Variants in PCDHGB1 observed in about 807,000 individuals in gnomAD.
The protein encoded by PCDHGB1 is protocadherin gamma subfamily B, 1.
PCDHGB1 carries 34 observed loss-of-function variants against 56.6 expected under a neutral mutation model. The ratio of observed to expected loss-of-function variants is 0.60; its 90% CI spans 0.46 to 0.80. The LOEUF (loss-of-function observed/expected upper bound fraction) is 0.80. Among genes scored for constraint, PCDHGB1 ranks in the 30% least tolerant of loss-of-function variants. The pLI, the probability that PCDHGB1 is intolerant of heterozygous loss-of-function variation, is 0.00. For synonymous variants in PCDHGB1, 561 were observed against 505.9 expected, an observed-to-expected ratio of 1.11 and a Z score of -1.46; for missense variants, 1,278 against 1,204.6, an observed-to-expected ratio of 1.06 and a Z score of -0.90.
intron 1 of PCDHGB1, chr5:141,478,142 G>A: frequency 3.7e-6 from 6 of 1,613,988 alleles, no homozygotes; most frequent in Non-Finnish European, 4.2e-6. Flanking sequence ...AGCCCGAGCC[G>A]AGTTCCCCTC....
Position 141,366,231 on chromosome 5 carries a change from A to G in PCDHGB1, c.2409+13562A>G, listed in dbSNP as rs1288043202. 3 of 1,613,786 alleles carry G rather than the reference A, an allele frequency of 1.9e-6. No homozygotes were observed. Among genetic ancestry groups the G allele is most frequent in the Non-Finnish European group, 2.5e-6 (3 of 1,180,026 alleles). On this transcript the variant is annotated intron_variant, in intron 1 of 3. Transcript: ENST00000523390. ...GTGCGCACAGCGCGAGCCCTGCTGG[A>G]CAGAGACGCGCTCAAGCAGAGCCTC...
At position 141,351,243 on chromosome 5, in the gene PCDHGB1, A is replaced by G. The variant is rs377475753; in HGVS notation, c.983A>G (p.Asn328Ser). Reference protein sequence around the residue: ...KDGGVHTAHCNVQIEIVDEND... With the variant: ...KDGGVHTAHCSVQIEIVDEND... ...GGAGGAGTACACACAGCTCACTGTA[A>G]TGTTCAAATAGAAATTGTTGACGAG... Residue 328 changes from asparagine (N) to serine (S), a missense_variant, in exon 1 of 4, where the codon AAT (asparagine) becomes AGT (serine). By Grantham distance (46) the Asn-to-Ser change is conservative. Transcript: ENST00000523390. 3 of 1,613,916 alleles carry G rather than the reference A, an allele frequency of 1.9e-6. No individual in the cohort carries two copies. The highest frequency in any genetic ancestry group is 2.7e-5 in the African/African-American group (2 of 74,934).
At chr5:141,421,508 A>C in intron 1 of PCDHGB1, 1 of 1,614,046 alleles carries the variant, frequency 6.2e-7, no homozygotes, top group Non-Finnish European at 8.5e-7. Context: ...ATAGACCGGG[A>C]GGAGCTCTGT....
At chr5:141,354,996 G>A in intron 1 of PCDHGB1, 1 of 699,244 alleles carries the variant, frequency 1.4e-6, no homozygotes, top group Non-Finnish European at 2.1e-6. Context: ...CAATCAGGGG[G>A]AAAAGACAAA....
intron 1 of PCDHGB1, among the ~76,000 whole-genome samples, chr5:141,358,460 G>C (rs1316337795): frequency 1.3e-5 from 2 of 152,076 alleles, no homozygotes; most frequent in Non-Finnish European, 2.9e-5. Context: ...AAGAATACTG[G>C]CAATTTGTGA....
rs2099756055 is a variant in PCDHGB1, at chr5:141,494,679, C to T, written c.2410-128C>T. The T allele has an allele frequency of 3.9e-6, 6 of 1,556,494 alleles. No homozygotes were observed. In the South Asian group the frequency reaches 4.7e-5, roughly 12 times the overall value. ...GTCTTTGGAGATGAGTCCACCCCTG[C>T]CCCCTCTTAGTCCGTTTTCTTCTCT... is the stretch of plus-strand genomic sequence containing the variant. On this transcript the variant is annotated intron_variant, in intron 1 of 3. Coordinates refer to ENST00000523390, the MANE Select transcript of PCDHGB1 (RefSeq NM_018922.3).
chr5:141,399,138 T>C (rs757310717), intron 1 of PCDHGB1: 3 of 1,613,774 alleles, frequency 1.9e-6, no homozygotes, highest in Non-Finnish European at 2.5e-6. Context: ...AAGATGAAAA[T>C]GACAATAGCC....
intron 1 of PCDHGB1, chr5:141,360,512 T>C (rs551303336): frequency 1.2e-6 from 2 of 1,613,978 alleles, no homozygotes; most frequent in Non-Finnish European, 1.7e-6. Flanking sequence ...GTGCAGGATA[T>C]AAATGATAAT....
chr5:141,374,416 G>A, intron 1 of PCDHGB1: 2 of 1,613,948 alleles, frequency 1.2e-6, no homozygotes, highest in Non-Finnish European at 1.7e-6. Context: ...TCCTTGTCGA[G>A]GATAAACTGA....
chr5:141,384,202 G>A (rs752360983), intron 1 of PCDHGB1: 9 of 1,613,734 alleles, frequency 5.6e-6, no homozygotes, highest in Non-Finnish European at 6.8e-6. Flanking sequence ...CTTGTCCAGG[G>A]AAACTCACAT....
intron 1 of PCDHGB1, chr5:141,365,787 G>A (rs1764122554): frequency 1.2e-6 from 2 of 1,613,864 alleles, no homozygotes; most frequent in Middle Eastern, 1.6e-4. Context: ...GACAACGCTC[G>A]AGTCACCTAC....
intron 1 of PCDHGB1, chr5:141,362,032 G>A (rs909384005): frequency 4.3e-6 from 7 of 1,609,448 alleles, no homozygotes; most frequent in Non-Finnish European, 5.9e-6. Flanking sequence ...GCGTGCCTTG[G>A]GCGACAGGGA....
At chr5:141,364,510 G>A (rs1763366973) in intron 1 of PCDHGB1, 5 of 1,614,022 alleles carry the variant, frequency 3.1e-6, no homozygotes, top group South Asian at 2.2e-5. Context: ...AGGAGCTGGC[G>A]GAGCGCGGAG....
At chr5:141,433,082 T>C in intron 1 of PCDHGB1, 1 of 1,614,188 alleles carries the variant, frequency 6.2e-7, no homozygotes. Flanking sequence ...CCAGCCCAAC[T>C]ATGCAGACAT....
intron 1 of PCDHGB1, chr5:141,440,642 A>G (rs1351979857): frequency 6.6e-6 from 1 of 152,234 alleles, no homozygotes; most frequent in African/African-American, 2.4e-5. Context: ...AATTCCTTAC[A>G]AAATTATCAC....
intron 1 of PCDHGB1, 129 bp downstream of exon 1, chr5:141,352,798 T>G: frequency 1.1e-6 from 1 of 928,716 alleles, no homozygotes; most frequent in Non-Finnish European, 1.6e-6. Flanking sequence ...GAGACCAGCA[T>G]AGCCAAGATG....
chr5:141,388,591 A>G (rs761143693), intron 1 of PCDHGB1: 9 of 1,613,804 alleles, frequency 5.6e-6, no homozygotes, highest in African/African-American at 5.3e-5. Flanking sequence ...ACTGATGCCA[A>G]TGATAATGCT....
intron 3 of PCDHGB1, among the ~76,000 whole-genome samples, chr5:141,508,848 TC>T (rs1390332366): frequency 6.6e-5 from 10 of 151,752 alleles, no homozygotes. Context: ...CCCCTTCCAT[TC>T]CCAGGCTGGG....
chr5:141,400,062 T>A (rs2093953641), intron 1 of PCDHGB1: 2 of 1,613,652 alleles, frequency 1.2e-6, no homozygotes, highest in Middle Eastern at 1.7e-4. Flanking sequence ...TGCGTGATGG[T>A]GGACAGCCGC....
Sources: allele counts gnomAD v4.1 joint callset (sites outside exome capture counted in the v4.1 genomes callset), GRCh38; gene constraint gnomAD v4.1.1; transcripts MANE v1.5; gene names NCBI Gene and HGNC (gene_info 2026-07-23, HGNC 2026-07-21).